The following PDE8A variants were observed in gnomAD, a reference collection of about 807,000 sequenced individuals.
The protein encoded by PDE8A is phosphodiesterase 8A.
Under a neutral mutation model 105.0 loss-of-function variants are expected in PDE8A, and 59 were observed. The ratio of observed to expected loss-of-function variants is 0.56; its 90% CI spans 0.46 to 0.70. The LOEUF (loss-of-function observed/expected upper bound fraction) is 0.70, where lower values mean the gene tolerates loss of function less well. Among genes scored for constraint, PDE8A ranks in the 30% least tolerant of loss-of-function variants. PDE8A has a pLI of 0.00. For missense variants in PDE8A, 1,014 were observed against 1,045.9 expected (o/e 0.97, Z 0.42); for synonymous variants, 355 against 371.9 (o/e 0.95, Z 0.52).
intron 1 of PDE8A, among the ~76,000 whole-genome samples, chr15:85,027,829 A>G (rs1015189333): frequency 6.6e-6 from 1 of 152,106 alleles, no homozygotes; most frequent in African/African-American, 2.4e-5. Context: ...TTTTGGTTGC[A>G]TATCCTTCCT....
intron 1 of PDE8A, among the ~76,000 whole-genome samples, chr15:84,999,371 C>G (rs1035521810): frequency 1.3e-5 from 2 of 152,172 alleles, no homozygotes; most frequent in African/African-American, 2.4e-5. Context: ...GATCTGCCTG[C>G]CTCGGCCTCC....
intron 1 of PDE8A, among the ~76,000 whole-genome samples, chr15:85,047,630 C>A (rs1010210540): frequency 1.3e-5 from 2 of 152,048 alleles, no homozygotes; most frequent in African/African-American, 2.4e-5. Flanking sequence ...AAAAGTGAAC[C>A]CATAGCTGCC....
chr15:85,066,710 G>A (rs1454022607), intron 2 of PDE8A, among the ~76,000 whole-genome samples: 1 of 151,930 alleles, frequency 6.6e-6, no homozygotes, highest in East Asian at 1.9e-4. Flanking sequence ...AGGCTGAGGT[G>A]GGAGGATTAC....
intron 1 of PDE8A, among the ~76,000 whole-genome samples, chr15:85,024,320 ATATT>A (rs1330363761): frequency 6.6e-6 from 1 of 152,178 alleles, no homozygotes; most frequent in African/African-American, 2.4e-5. Flanking sequence ...TACCTGGCAT[ATATT>A]TGGTTGAACT....
At chr15:85,101,282 C>A (rs1200145353) in intron 11 of PDE8A, among the ~76,000 whole-genome samples, 2 of 152,106 alleles carry the variant, frequency 1.3e-5, no homozygotes, top group Non-Finnish European at 2.9e-5. Flanking sequence ...CACATTGACA[C>A]AAAGGAACAC....
chr15:85,132,332 T>C (rs1309238168), intron 20 of PDE8A, among the ~76,000 whole-genome samples: 1 of 152,170 alleles, frequency 6.6e-6, no homozygotes, highest in East Asian at 1.9e-4. Flanking sequence ...TCATAAGATG[T>C]GTATTGGTCC....
In PDE8A at chr15:85,091,300, A is replaced by T. The variant is rs563661936; in HGVS notation, c.852+119A>T. 4 of 858,124 alleles carry T rather than the reference A, an allele frequency of 4.7e-6. No individual in the cohort carries two copies. The South Asian group carries it at 9.0e-5, about 19-fold the overall frequency. 53.2% of individuals were successfully genotyped at this position (858,124 alleles called of 1,614,324 possible). On this transcript the variant is annotated intron_variant, in intron 8 of 21. Coordinates refer to ENST00000394553, the MANE Select transcript of PDE8A (RefSeq NM_002605.3). ...ACTCCTCCCAGCAGCCCAGGGAAGT[A>T]TAGGGAATGTTATCCCTGTTATATC...
chr15:85,136,240 C>T (rs750303753), intron 20 of PDE8A, among the ~76,000 whole-genome samples: 1 of 152,230 alleles, frequency 6.6e-6, no homozygotes, highest in African/African-American at 2.4e-5. Context: ...CGGTGGCTGA[C>T]TACACATAAT....
intron 1 of PDE8A, among the ~76,000 whole-genome samples, chr15:85,021,067 C>G (rs893469742): frequency 2.6e-5 from 4 of 152,058 alleles, no homozygotes; most frequent in African/African-American, 9.7e-5. Flanking sequence ...ATGATTAGGT[C>G]ATGGGGGCAG....
intron 20 of PDE8A, among the ~76,000 whole-genome samples, chr15:85,130,057 A>G (rs564751987): frequency 6.6e-6 from 1 of 152,334 alleles, no homozygotes; most frequent in Non-Finnish European, 1.5e-5. Flanking sequence ...TAGAACTAAC[A>G]TCTGCTCAGC....
At chr15:84,981,794 G>A (rs1451398843), upstream of PDE8A, among the ~76,000 whole-genome samples, 1 of 151,138 alleles carries the variant, frequency 6.6e-6, no homozygotes, top group African/African-American at 2.4e-5. Flanking sequence ...CTCGCGCGGC[G>A]TGGACTCAGC....
intron 3 of PDE8A, among the ~76,000 whole-genome samples, chr15:85,067,675 G>T (rs986600327): frequency 6.6e-6 from 1 of 152,092 alleles, no homozygotes; most frequent in African/African-American, 2.4e-5. Flanking sequence ...GCTGATGGAA[G>T]CAAGGCAAAT....
At chr15:85,074,239 A>C (rs1241532043) in intron 3 of PDE8A, among the ~76,000 whole-genome samples, 1 of 152,220 alleles carries the variant, frequency 6.6e-6, no homozygotes, top group Non-Finnish European at 1.5e-5. Flanking sequence ...CCCTACAGGC[A>C]AGAATGGGCA....
rs2079721861 is a variant in PDE8A at position 84,982,148 on chromosome 15, GGC to G, written c.-12_-11del. On this transcript the variant is annotated 5_prime_UTR_variant, in exon 1 of 22. Transcript: ENST00000394553. Reference sequence around the variant, plus strand: ...CGCGGCTACCCGCCAGCGTGTCCGCGGCGCCGCCGCCAGCATGGGCTGTGCCC... The same window carrying G: ...CGCGGCTACCCGCCAGCGTGTCCGCGGCCGCCGCCAGCATGGGCTGTGCCC... The G allele has an allele frequency of 7.5e-7, 1 of 1,325,058 alleles. No homozygotes were observed. Among genetic ancestry groups the G allele is most frequent in the African/African-American group, 1.5e-5 (1 of 65,070 alleles). The allele number at this position is 1,325,058 out of a possible 1,614,324, so 82.1% of individuals were successfully genotyped here.
At chr15:85,064,061 A>G (rs1294284907) in intron 1 of PDE8A, 1 of 258,698 alleles carries the variant, frequency 3.9e-6, no homozygotes, top group Non-Finnish European at 7.4e-6. Context: ...TTGGCCTTTA[A>G]CAAATGAGAA....
intron 1 of PDE8A, among the ~76,000 whole-genome samples, chr15:84,995,893 C>A (rs2079967932): frequency 6.6e-6 from 1 of 152,148 alleles, no homozygotes. Flanking sequence ...GTGCATTCAT[C>A]AATCTGACTG....
chr15:84,987,165 A>G (rs912884570), intron 1 of PDE8A, among the ~76,000 whole-genome samples: 13 of 152,216 alleles, frequency 8.5e-5, no homozygotes, highest in African/African-American at 2.7e-4. Flanking sequence ...TTTTCAGTAT[A>G]TAGAAAGATA....
intron 8 of PDE8A, among the ~76,000 whole-genome samples, chr15:85,096,437 T>A (rs1003817250): frequency 2.0e-5 from 3 of 152,074 alleles, no homozygotes; most frequent in Non-Finnish European, 2.9e-5. Context: ...CCAGCCTGGG[T>A]GAATGGCGAG....
intron 1 of PDE8A, among the ~76,000 whole-genome samples, chr15:84,999,524 A>G (rs953158977): frequency 5.2e-4 from 79 of 152,128 alleles, no homozygotes; most frequent in African/African-American, 1.8e-3. Context: ...TGGTAATGTG[A>G]TGATGAATAA....
Sources: gnomAD v4.1 joint callset for allele counts (sites outside exome capture counted in the v4.1 genomes callset) on GRCh38, gnomAD v4.1.1 for gene constraint, MANE v1.5 for transcripts, NCBI Gene and HGNC (gene_info 2026-07-23, HGNC 2026-07-21) for gene names.